Variants in TANGO6 observed in about 807,000 individuals in gnomAD.
TANGO6 encodes the protein transport and golgi organization 6 homolog, also known as transport and Golgi organization protein 6 homolog.
In TANGO6, 90 loss-of-function variants were observed where a neutral mutation model predicts 114.2. The ratio of observed to expected loss-of-function variants is 0.79; its 90% CI spans 0.66 to 0.94. The LOEUF is 0.94. TANGO6 is among the 40% of genes least tolerant of loss of function. The pLI, the probability that TANGO6 is intolerant of heterozygous loss-of-function variation, is 0.00. For missense variants in TANGO6, 1,274 were observed against 1,315.3 expected (o/e 0.97, Z 0.49); for synonymous variants, 477 against 509.8 (o/e 0.94, Z 0.87).
intron 4 of TANGO6, among the ~76,000 whole-genome samples, chr16:68,870,829 G>A (rs548499998): frequency 3.2e-4 from 47 of 148,810 alleles, no homozygotes; most frequent in Non-Finnish European, 5.2e-4. Flanking sequence ...ACGGAATTTC[G>A]CTCTTGTTGC....
At chr16:68,867,478 A>G in intron 4 of TANGO6, 2 of 367,844 alleles carry the variant, frequency 5.4e-6, no homozygotes, top group Middle Eastern at 7.7e-4. Context: ...ATTTCAAATA[A>G]TTTATACTAT....
intron 16 of TANGO6, chr16:69,034,328 AG>A: frequency 6.4e-6 from 1 of 157,364 alleles, no homozygotes; most frequent in South Asian, 1.8e-4. Context: ...CACCTCAGCC[AG>A]GGGCTGCACT....
At chr16:68,889,024 A>G (rs889507329) in intron 7 of TANGO6, among the ~76,000 whole-genome samples, 1 of 152,156 alleles carries the variant, frequency 6.6e-6, no homozygotes, top group Non-Finnish European at 1.5e-5. Flanking sequence ...GGTCTTCGCT[A>G]TGTTGGCTGG....
At chr16:68,845,967 C>T (rs1257662079) in intron 1 of TANGO6, among the ~76,000 whole-genome samples, 1 of 152,054 alleles carries the variant, frequency 6.6e-6, no homozygotes, top group Non-Finnish European at 1.5e-5. Context: ...ATTCTCATGC[C>T]TCAGCCTCCC....
At chr16:69,047,850 C>T (rs1452897166) in intron 17 of TANGO6, among the ~76,000 whole-genome samples, 2 of 152,084 alleles carry the variant, frequency 1.3e-5, no homozygotes, top group African/African-American at 4.8e-5. Flanking sequence ...TATTGAAACT[C>T]TTTCCCTTGC....
At chr16:68,957,221 T>C (rs1028760389) in intron 14 of TANGO6, among the ~76,000 whole-genome samples, 3 of 152,122 alleles carry the variant, frequency 2.0e-5, no homozygotes, top group Admixed American at 2.0e-4. Context: ...AATCTACAAT[T>C]CAGTGTCATT....
chr16:68,865,312 C>G (rs913611688), intron 3 of TANGO6, among the ~76,000 whole-genome samples: 1 of 150,186 alleles, frequency 6.7e-6, no homozygotes, highest in African/African-American at 2.5e-5. Context: ...TTGACAGCAA[C>G]ATGATCAGTG....
intron 17 of TANGO6, among the ~76,000 whole-genome samples, chr16:69,073,885 G>T (rs1355062667): frequency 6.6e-6 from 1 of 151,888 alleles, no homozygotes; most frequent in East Asian, 1.9e-4. Context: ...AACCCAGGAG[G>T]CAGAGGTTGC....
At chr16:68,906,040 C>A (rs1398145225) in intron 9 of TANGO6, among the ~76,000 whole-genome samples, 1 of 151,752 alleles carries the variant, frequency 6.6e-6, no homozygotes, top group Admixed American at 6.6e-5. Context: ...ATTAGCTGGG[C>A]ATGGTGGTGG....
chr16:68,866,729 G>C (rs1365924897), intron 3 of TANGO6, among the ~76,000 whole-genome samples: 1 of 152,064 alleles, frequency 6.6e-6, no homozygotes, highest in Non-Finnish European at 1.5e-5. Flanking sequence ...CTGAGGTCAG[G>C]AGTTCGAGAC....
intron 17 of TANGO6, among the ~76,000 whole-genome samples, chr16:69,079,494 T>C (rs1345711204): frequency 6.6e-6 from 1 of 151,874 alleles, no homozygotes; most frequent in African/African-American, 2.4e-5. Context: ...GGAAATTTCT[T>C]CACCAGAATA....
chr16:68,882,070 A>G (rs1166765930), intron 7 of TANGO6, among the ~76,000 whole-genome samples: 3 of 152,200 alleles, frequency 2.0e-5, no homozygotes, highest in African/African-American at 7.2e-5. Context: ...AACAGCTTTC[A>G]AAACTGTATT....
At chr16:68,960,592 T>C in intron 14 of TANGO6, among the ~76,000 whole-genome samples, 1 of 152,118 alleles carries the variant, frequency 6.6e-6, no homozygotes. Context: ...AACCTCTTCC[T>C]CCCGGGGTTT....
chr16:69,043,025 G>C (rs1394370417), intron 17 of TANGO6, among the ~76,000 whole-genome samples: 2 of 152,132 alleles, frequency 1.3e-5, no homozygotes, highest in African/African-American at 4.8e-5. Context: ...AAGAGTTCGA[G>C]AGAAGCCTGG....
chr16:68,923,614 G>A (rs2152193614), intron 12 of TANGO6, among the ~76,000 whole-genome samples: 1 of 152,290 alleles, frequency 6.6e-6, no homozygotes, highest in Non-Finnish European at 1.5e-5. Flanking sequence ...ACTCCAAAGA[G>A]CAGACAATCC....
intron 14 of TANGO6, 196 bp from the exon 15 acceptor site, chr16:68,973,830 AAC>A (rs1174068841): frequency 6.6e-6 from 4 of 604,174 alleles, no homozygotes; most frequent in Non-Finnish European, 1.2e-5. Context: ...GGACTAGACA[AAC>A]ACAGGAGTCT....
intron 1 of TANGO6, among the ~76,000 whole-genome samples, chr16:68,855,262 T>C (rs1299501450): frequency 6.6e-6 from 1 of 151,888 alleles, no homozygotes; most frequent in Non-Finnish European, 1.5e-5. Context: ...AGAGAGTTTG[T>C]ATATTTTGTG....
In TANGO6 at chr16:69,066,922, T is replaced by C. The variant is rs1031548220; in HGVS notation, c.3109-16563T>C. Among the ~76,000 whole-genome samples, 6 of 152,124 alleles carry C rather than the reference T, an allele frequency of 3.9e-5. 1 individual carries two copies. The highest frequency in any genetic ancestry group is 8.8e-5 in the Non-Finnish European group (6 of 68,028). Reference sequence around the variant, plus strand: ...TTGTTTTTGTTTTTGAGATAGGGTCTTTCTTGCTTCGTTACCCTGGCTGGA... The same window carrying C: ...TTGTTTTTGTTTTTGAGATAGGGTCCTTCTTGCTTCGTTACCCTGGCTGGA... On this transcript the variant is annotated intron_variant, in intron 17 of 17. Coordinates refer to ENST00000261778, the MANE Select transcript of TANGO6 (RefSeq NM_024562.2).
rs201816789 is a variant in TANGO6, at chr16:68,860,197, A to C, written c.408A>C (p.Ala136=). 41 of 1,613,992 alleles carry C rather than the reference A, an allele frequency of 2.5e-5. 1 individual carries two copies. In the African/African-American group the frequency reaches 2.7e-4, roughly 10 times the overall value. Residue 136 remains alanine, a synonymous_variant, in exon 2 of 18, where the codon GCA becomes GCC. Transcript: ENST00000261778. ...PEVAPALSPD[A]LSISQQKTVQ... ...TTGCTCCTGCCCTGAGCCCCGATGC[A>C]CTTAGTATCTCACAACAGAAGACTG...
Sources: gnomAD v4.1 joint callset for allele counts (sites outside exome capture counted in the v4.1 genomes callset) on GRCh38, gnomAD v4.1.1 for gene constraint, MANE v1.5 for transcripts, NCBI Gene and HGNC (gene_info 2026-07-23, HGNC 2026-07-21) for gene names.